Variants in KIF23 observed in about 807,000 individuals in gnomAD.
The protein encoded by KIF23 is kinesin-like protein KIF23.
Under a neutral mutation model 137.5 loss-of-function variants are expected in KIF23, and 30 were observed. That is an observed-to-expected ratio of 0.22 (90% CI 0.16 to 0.30). The LOEUF is 0.30. Among genes scored for constraint, KIF23 ranks in the 10% least tolerant of loss-of-function variants. The probability of loss-of-function intolerance (pLI) is 1.00; values close to 1 mark genes in which losing one functional copy is unlikely to be tolerated. For missense variants in KIF23, 920 were observed against 1,194.3 expected (o/e 0.77, Z 3.38); for synonymous variants, 367 against 391.1 (o/e 0.94, Z 0.73).
intron 3 of KIF23, among the ~76,000 whole-genome samples, chr15:69,418,772 A>C (rs1046163612): frequency 1.3e-5 from 2 of 152,206 alleles, no homozygotes; most frequent in Non-Finnish European, 2.9e-5. Flanking sequence ...ATAGGGAACT[A>C]GTTCATAATC....
intron 10 of KIF23, among the ~76,000 whole-genome samples, chr15:69,428,660 C>CAAAAAAAA (rs59950355): frequency 4.5e-4 from 33 of 74,054 alleles, no homozygotes; most frequent in African/African-American, 1.4e-3. Context: ...CTCTGTCTCC[C>CAAAAAAAA]AAAAAAAAAA....
intron 7 of KIF23, among the ~76,000 whole-genome samples, chr15:69,424,424 G>A (rs1214352953): frequency 3.3e-5 from 5 of 152,212 alleles, no homozygotes; most frequent in Admixed American, 1.3e-4. Context: ...TATTTCTGGA[G>A]TGACCTATCT....
intron 6 of KIF23, 142 bp downstream of exon 6, chr15:69,422,577 T>C (rs1334344000): frequency 9.8e-6 from 6 of 613,606 alleles, no homozygotes; most frequent in Non-Finnish European, 1.7e-5. Context: ...TCTTAAGTTC[T>C]TTGCTCAGAT....
intron 14 of KIF23, 80 bp from the exon 15 acceptor site, chr15:69,436,484 C>CTGTA: frequency 7.8e-7 from 1 of 1,279,424 alleles, no homozygotes; most frequent in East Asian, 2.3e-5. Context: ...TGCACTGGGG[C>CTGTA]TGTATGCAGT....
chr15:69,421,873 G>C (rs1257322938), intron 4 of KIF23, 119 bp from the exon 5 acceptor site: 1 of 1,311,266 alleles, frequency 7.6e-7, no homozygotes, highest in African/African-American at 1.5e-5. Context: ...ATTTGTTAGG[G>C]TGGTGCTAAA....
chr15:69,419,918 T>C (rs952107655), intron 3 of KIF23, among the ~76,000 whole-genome samples: 6 of 152,120 alleles, frequency 3.9e-5, no homozygotes, highest in Non-Finnish European at 5.9e-5. Context: ...AAAGGTTTGA[T>C]GGGGATTAAA....
rs1225546873 is a variant in KIF23, at chr15:69,444,798, T to C, written c.2430T>C (p.Phe810=). 1 of 1,613,956 alleles carries C rather than the reference T, an allele frequency of 6.2e-7. No individual in the cohort carries two copies. The highest frequency in any genetic ancestry group is 8.5e-7 in the Non-Finnish European group (1 of 1,179,984). Residue 810 remains phenylalanine, a synonymous_variant, in exon 20 of 24, where the codon TTT becomes TTC. Transcript: ENST00000679126. This position sits in a 1 kb window ranked among gnomAD's most constrained non-coding sequence, Gnocchi z 4.2. ...TTATGCTTGTTTCTCAGTTACTCTT[T>C]CAACCTGATCAGAACGCACCACCAA... ...IEEDHCGRLL[F]QPDQNAPPIR... is the part of the protein sequence containing the mutation.
Position 69,446,069 on chromosome 15 carries a change from T to G in KIF23, c.2734T>G (p.Leu912Val), listed in dbSNP as rs2057734027. The G allele has an allele frequency of 6.2e-7, 1 of 1,613,784 alleles. No individual in the cohort carries two copies. The highest frequency in any genetic ancestry group is 8.5e-7 in the Non-Finnish European group (1 of 1,179,736). Reference protein sequence around the residue: ...QSVQFTDIETLKQESPNGSRK... With the variant: ...QSVQFTDIETVKQESPNGSRK... ...TGTTCAGTTTACTGATATTGAGACT[T>G]TAAAGCAAGAATCACCAAATGGGTA... The change falls in exon 21 of 24, where the codon TTA becomes GTA. Residue 912 changes from leucine to valine, a missense_variant. Leu to Val is a conservative substitution (Grantham distance 32, BLOSUM62 1). Transcript: ENST00000679126.
At chr15:69,422,582 T>C in intron 6 of KIF23, 147 bp downstream of exon 6, 1 of 609,544 alleles carries the variant, frequency 1.6e-6, no homozygotes, top group Non-Finnish European at 2.9e-6. Context: ...AGTTCTTTGC[T>C]CAGATGTTTT....
intron 13 of KIF23, 48 bp from the exon 14 acceptor site, chr15:69,436,090 C>T (rs572076441): frequency 6.3e-7 from 1 of 1,590,440 alleles, no homozygotes; most frequent in South Asian, 1.1e-5. Context: ...ATTTCTGGGA[C>T]TTGGATATCC....
rs2057193745 is a variant in KIF23 at position 69,426,423 on chromosome 15, C to T, written c.977C>T (p.Ala326Val). The T allele has an allele frequency of 1.2e-6, 2 of 1,613,994 alleles. No individual in the cohort carries two copies. Among genetic ancestry groups the T allele is most frequent in the Admixed American group, 1.7e-5 (1 of 59,998 alleles). Reference sequence around the variant, plus strand: ...GTGTTCAACATTAAATTAGTTCAGGCTCCCTTGGATGCAGATGGAGACAAT... The same window carrying T: ...GTGTTCAACATTAAATTAGTTCAGGTTCCCTTGGATGCAGATGGAGACAAT... ...HSVFNIKLVQ[A>V]PLDADGDNVL... Residue 326 changes from alanine (A) to valine (V), a missense_variant, in exon 10 of 24, where the codon GCT (alanine) becomes GTT (valine). By Grantham distance (64) the Ala-to-Val change is moderately conservative. Coordinates refer to ENST00000679126, the MANE Select transcript of KIF23 (RefSeq NM_001367805.3).
intron 21 of KIF23, 21 bp from the exon 22 acceptor site, chr15:69,446,262 A>G: frequency 6.2e-7 from 1 of 1,608,222 alleles, no homozygotes; most frequent in South Asian, 1.1e-5. Context: ...TAATTGTTGC[A>G]TCATGTTTCC....
intron 23 of KIF23, 55 bp downstream of exon 23, chr15:69,446,996 TTTACA>T (rs2057754514): frequency 2.1e-6 from 3 of 1,412,010 alleles, no homozygotes; most frequent in African/African-American, 2.8e-5. Flanking sequence ...TCCTCTGGTC[TTTACA>T]TTATCACTCC....
rs576406342 is a variant in KIF23 at position 69,440,437 on chromosome 15, C to A, written c.2059C>A (p.Arg687=). The change falls in exon 18 of 24, where the codon CGA becomes AGA. Residue 687 remains arginine, a synonymous_variant. Transcript: ENST00000679126. ...GAAGCCAGAGAGACCCTCTCGGGAG[C>A]GAGATCGAGAAAAAGTTACTCAAAG... ...TEKPERPSRE[R]DREKVTQRSV... 8 of 1,612,740 alleles carry A rather than the reference C, an allele frequency of 5.0e-6. No individual in the cohort carries two copies. Among genetic ancestry groups the A allele is most frequent in the Admixed American group, 3.3e-5 (2 of 59,766 alleles).
intron 11 of KIF23, 44 bp from the exon 12 acceptor site, chr15:69,435,439 A>G (rs766715641): frequency 6.9e-7 from 1 of 1,452,698 alleles, no homozygotes; most frequent in Non-Finnish European, 9.6e-7. Context: ...TTTAGCTACT[A>G]TACTGTTGTT....
intron 7 of KIF23, among the ~76,000 whole-genome samples, chr15:69,423,749 A>T (rs1334405053): frequency 6.6e-6 from 1 of 152,222 alleles, no homozygotes; most frequent in African/African-American, 2.4e-5. Flanking sequence ...TATCTATACA[A>T]GTAATACTTA....
intron 22 of KIF23, 172 bp from the exon 23 acceptor site, chr15:69,446,699 T>C: frequency 1.5e-6 from 1 of 687,958 alleles, no homozygotes; most frequent in Non-Finnish European, 2.6e-6. Flanking sequence ...CTCACAACAT[T>C]TGTGGCCTGT....
intron 10 of KIF23, chr15:69,427,622 C>T (rs966797101): frequency 2.8e-6 from 1 of 352,836 alleles, no homozygotes; most frequent in African/African-American, 2.1e-5. Context: ...CAGTAGGGTC[C>T]CCCATATGCA....
chr15:69,428,965 C>T (rs1045187970), intron 10 of KIF23, 146 bp from the exon 11 acceptor site: 1 of 520,630 alleles, frequency 1.9e-6, no homozygotes, highest in African/African-American at 1.9e-5. Flanking sequence ...AAACTCTCCC[C>T]TAAAATAGGT....
Sources: gnomAD v4.1 joint callset for allele counts (sites outside exome capture counted in the v4.1 genomes callset) on GRCh38, gnomAD v4.1.1 for gene constraint, Gnocchi (gnomAD v3.1) non-coding constraint, MANE v1.5 for transcripts, NCBI Gene and HGNC (gene_info 2026-07-23, HGNC 2026-07-21) for gene names.